HNRNPAB: variants seen among roughly 807,000 people sequenced by gnomAD.
HNRNPAB encodes heterogeneous nuclear ribonucleoprotein A/B, also known as ABBP-1.
HNRNPAB carries 17 observed loss-of-function variants against 44.1 expected under a neutral mutation model. The observed-to-expected ratio is 0.39, with a 90% CI of 0.26 to 0.58. HNRNPAB has a LOEUF of 0.58. HNRNPAB is among the 20% of genes least tolerant of loss of function. The pLI is 0.63. For missense variants in HNRNPAB, 393 were observed against 432.7 expected (o/e 0.91, Z 0.81); for synonymous variants, 183 against 167.6 (o/e 1.09, Z -0.71).
Position 178,204,964 on chromosome 5 carries a change from G to C in HNRNPAB, c.127G>C (p.Ala43Pro), listed in dbSNP as rs1756982751. Residue 43 changes from alanine (A) to proline (P), a missense_variant, in exon 2 of 8, where the codon GCG (alanine) becomes CCG (proline). Coordinates refer to ENST00000358344, the MANE Select transcript of HNRNPAB (RefSeq NM_031266.3). ...GGGCGCCGCGGCGGGGGCTGGAGGC[G>C]CGACCGCGGCGCCCCCGAGCGGGAA... is the stretch of plus-strand genomic sequence containing the variant. ...GTGAAAGAGGATAAPPSGNQN... is the reference protein window; with the variant it reads ...GTGAAAGAGGPTAAPPSGNQN... 3.3e-6 allele frequency: 4 copies of C among 1,209,754 alleles called. No homozygotes were observed. Among genetic ancestry groups the C allele is most frequent in the Non-Finnish European group, 4.1e-6 (4 of 973,868 alleles). 74.9% of individuals were successfully genotyped at this position (1,209,754 alleles called of 1,614,324 possible).
chr5:178,210,575 C>T lies in HNRNPAB; in HGVS notation c.951C>T (p.Gly317=). Residue 317 remains glycine (G), a synonymous_variant, in exon 8 of 8, where the codon GGC becomes GGT. Transcript: ENST00000358344. Reference sequence around the variant, plus strand: ...TAGGTCAGGGTAGTACAAACTACGGCAAGAGCCAGCGACGTGGTGGCCATC... The same window carrying T: ...TAGGTCAGGGTAGTACAAACTACGGTAAGAGCCAGCGACGTGGTGGCCATC... ...YDYSQGSTNY[G]KSQRRGGHQN... is the part of the protein sequence containing the mutation. 1 of 1,614,116 alleles carries T rather than the reference C, an allele frequency of 6.2e-7. No homozygotes were observed. Among genetic ancestry groups the T allele is most frequent in the Middle Eastern group, 1.7e-4 (1 of 6,050 alleles).
Position 178,210,887 on chromosome 5 carries a change from T to G in HNRNPAB, c.*264T>G. ...GGTCCCCCAGAAGCAGGTGGGAGGC[T>G]CTGCTTCCTGCTGCCGCTCTGCAGC... is the stretch of plus-strand genomic sequence containing the variant. On this transcript the variant is annotated 3_prime_UTR_variant, in exon 8 of 8. Coordinates refer to ENST00000358344, the MANE Select transcript of HNRNPAB (RefSeq NM_031266.3). The G allele has an allele frequency of 1.9e-6, 1 of 519,790 alleles. No individual in the cohort carries two copies. The allele number at this position is 519,790 out of a possible 1,614,324, so 32.2% of individuals were successfully genotyped here.
In HNRNPAB at chr5:178,209,238, C is replaced by G. The variant is rs985202246; in HGVS notation, c.670-92C>G. On this transcript the variant is annotated intron_variant, in intron 5 of 7. Coordinates refer to ENST00000358344, the MANE Select transcript of HNRNPAB (RefSeq NM_031266.3). ...TGTTTCTCAGCAAATGGACCTGATC[C>G]ACCATTTGATGTTTGTCGCAGTGAA... 7.1e-6 allele frequency: 7 copies of G among 991,180 alleles called. No homozygotes were observed. In the African/African-American group the frequency reaches 9.5e-5, roughly 14 times the overall value. The allele number at this position is 991,180 out of a possible 1,614,324, so 61.4% of individuals were successfully genotyped here.
chr5:178,207,636 C>G (rs577792468), intron 5 of HNRNPAB, among the ~76,000 whole-genome samples: 101 of 149,990 alleles, frequency 6.7e-4, no homozygotes, highest in Non-Finnish European at 1.0e-3. Context: ...TATTCCAGAG[C>G]CTTTCTACCT....
intron 4 of HNRNPAB, 55 bp downstream of exon 4, chr5:178,206,945 T>A (rs1256375016): frequency 6.2e-7 from 1 of 1,604,076 alleles, no homozygotes; most frequent in Non-Finnish European, 8.5e-7. Context: ...GCCTTCTTTC[T>A]GGTCCTTGGT....
At chr5:178,207,891 C>A (rs1757157214) in intron 5 of HNRNPAB, among the ~76,000 whole-genome samples, 1 of 151,966 alleles carries the variant, frequency 6.6e-6, no homozygotes, top group Non-Finnish European at 1.5e-5. Context: ...AAAGCCTGGT[C>A]TCACCATGTT....
intron 5 of HNRNPAB, 97 bp downstream of exon 5, chr5:178,207,322 A>C: frequency 6.9e-7 from 1 of 1,455,050 alleles, no homozygotes; most frequent in East Asian, 2.3e-5. Context: ...GGAGCTCTCC[A>C]GGTTGGTCAG....
chr5:178,209,244 TTGA>T, intron 5 of HNRNPAB, 83 bp from the exon 6 acceptor site: 10 of 1,030,428 alleles, frequency 9.7e-6, no homozygotes, highest in Non-Finnish European at 1.5e-5. Context: ...GATCCACCAT[TTGA>T]TGTTTGTCGC....
Position 178,210,971 on chromosome 5 carries a change from C to T in HNRNPAB, c.*348C>T, listed in dbSNP as rs1022647485. On this transcript the variant is annotated 3_prime_UTR_variant, in exon 8 of 8. Transcript: ENST00000358344. ...TTGTATCTTAGGAAACCAGTGTCAC[C>T]TTTTTTTCACCTTTTAATTTTATAT... The T allele has an allele frequency of 1.1e-5, 3 of 272,290 alleles. No homozygotes were observed. Among genetic ancestry groups the T allele is most frequent in the East Asian group, 8.0e-5 (1 of 12,500 alleles). 16.9% of individuals were successfully genotyped at this position (272,290 alleles called of 1,614,324 possible).
At chr5:178,207,277 C>G (rs1367732087) in intron 5 of HNRNPAB, 52 bp downstream of exon 5, 15 of 1,606,106 alleles carry the variant, frequency 9.3e-6, no homozygotes, top group Non-Finnish European at 1.0e-5. Context: ...AGAGCTGGCC[C>G]TTAGAGGGAT....
Position 178,204,591 on chromosome 5 carries a change from G to C in HNRNPAB, c.-173G>C, listed in dbSNP as rs901913687. The C allele has an allele frequency of 8.0e-6, 2 of 250,980 alleles. No individual in the cohort carries two copies. Among genetic ancestry groups the C allele is most frequent in the African/African-American group, 4.6e-5 (2 of 43,908 alleles). 15.5% of individuals were successfully genotyped at this position (250,980 alleles called of 1,614,324 possible). A position where few individuals can be genotyped will look rare whatever the true frequency, so the allele number is the denominator to read the frequency against. On this transcript the variant is annotated 5_prime_UTR_variant, in exon 1 of 8. Coordinates refer to ENST00000358344, the MANE Select transcript of HNRNPAB (RefSeq NM_031266.3). ...GTTGGTCGGTGGGTTCCCGTGCGGC[G>C]GCGGCCAAGGAGGAGGAGACACAGT...
At position 178,210,127 on chromosome 5, in the gene HNRNPAB, C is replaced by A. The variant is rs367725199; in HGVS notation, c.788-5C>A. 3.0e-5 allele frequency: 49 copies of A among 1,613,966 alleles called. No individual in the cohort carries two copies. Among genetic ancestry groups the A allele is most frequent in the South Asian group, 5.5e-5 (5 of 91,088 alleles). On this transcript the variant is annotated splice_polypyrimidine_tract_variant and splice_region_variant and intron_variant, in intron 6 of 7. Transcript: ENST00000358344. ...ACGGGCCCCTGTGCCCTGCTCCCCC[C>A]ACAGGTCAGAGTCAGAGTTGGAATC...
rs1386165246 is a variant in HNRNPAB, at chr5:178,210,664, G to T, written c.*41G>T. The T allele has an allele frequency of 5.4e-6, 8 of 1,485,646 alleles. No homozygotes were observed. Among genetic ancestry groups the T allele is most frequent in the African/African-American group, 1.4e-5 (1 of 72,324 alleles). The allele number at this position is 1,485,646 out of a possible 1,614,324, so 92.0% of individuals were successfully genotyped here. A position where few individuals can be genotyped will look rare whatever the true frequency, so the allele number is the denominator to read the frequency against. ...GACCAACTGATCGCACACATGCTTT[G>T]TTTGGATATGGAGTGAACACAATTA... On this transcript the variant is annotated 3_prime_UTR_variant, in exon 8 of 8. Transcript: ENST00000358344.
Position 178,204,926 on chromosome 5 carries a change from C to G in HNRNPAB, c.89C>G (p.Ala30Gly). 8.3e-7 allele frequency: 1 copy of G among 1,210,616 alleles called. No individual in the cohort carries two copies. Among genetic ancestry groups the G allele is most frequent in the South Asian group, 4.1e-5 (1 of 24,200 alleles). 75.0% of individuals were successfully genotyped at this position (1,210,616 alleles called of 1,614,324 possible). A position where few individuals can be genotyped will look rare whatever the true frequency, so the allele number is the denominator to read the frequency against. Residue 30 changes from alanine to glycine, a missense_variant, in exon 2 of 8, where the codon GCC becomes GGC. By Grantham distance (60) the Ala-to-Gly change is moderately conservative. Transcript: ENST00000358344. ...HEAVPEGESP[A>G]GAGTGAAAGA... The stretch of plus-strand genomic sequence containing the variant: ...GCCGTCCCCGAAGGCGAGTCGCCGG[C>G]CGGGGCTGGCACGGGCGCCGCGGCG...
chr5:178,209,252 T>G, intron 5 of HNRNPAB, 78 bp from the exon 6 acceptor site: 1 of 1,086,870 alleles, frequency 9.2e-7, no homozygotes, highest in Non-Finnish European at 1.4e-6. Flanking sequence ...ATTTGATGTT[T>G]GTCGCAGTGA....
In HNRNPAB at chr5:178,206,856, A is replaced by G; in HGVS notation, c.503A>G (p.Glu168Gly). 6.2e-7 allele frequency: 1 copy of G among 1,614,206 alleles called. No homozygotes were observed. Among genetic ancestry groups the G allele is most frequent in the South Asian group, 1.1e-5 (1 of 91,080 alleles). ...GGTCTGAATCCTGAAGCCACTGAGG[A>G]AAAGATCAGGGAGTACTTTGGCGAG... Reference protein sequence around the residue: ...VGGLNPEATEEKIREYFGEFG... With the variant: ...VGGLNPEATEGKIREYFGEFG... Residue 168 changes from glutamate to glycine, a missense_variant, in exon 4 of 8, where the codon GAA becomes GGA. Physicochemically the swap from Glu to Gly is moderately conservative, Grantham distance 98 (BLOSUM62 -2). Transcript: ENST00000358344.
Position 178,210,780 on chromosome 5 carries a change from C to CTA in HNRNPAB, c.*159_*160dup, listed in dbSNP as rs1554104295. ...CCCATGGAAATCACTCTCCTGTTGACTATTTCCAGAGCTCTAGGTGTTTAG... is the reference window on the plus strand; with the variant it reads ...CCCATGGAAATCACTCTCCTGTTGACTATATTTCCAGAGCTCTAGGTGTTTAG... On this transcript the variant is annotated 3_prime_UTR_variant, in exon 8 of 8. Coordinates refer to ENST00000358344, the MANE Select transcript of HNRNPAB (RefSeq NM_031266.3). 1.5e-6 allele frequency: 1 copy of CTA among 661,436 alleles called. No individual in the cohort carries two copies. The highest frequency in any genetic ancestry group is 1.8e-5 in the African/African-American group (1 of 56,192). The allele number at this position is 661,436 out of a possible 1,614,324, so 41.0% of individuals were successfully genotyped here. A position where few individuals can be genotyped will look rare whatever the true frequency, so the allele number is the denominator to read the frequency against.
chr5:178,207,824 T>C (rs1317605431), intron 5 of HNRNPAB, among the ~76,000 whole-genome samples: 1 of 149,994 alleles, frequency 6.7e-6, no homozygotes, highest in Non-Finnish European at 1.5e-5. Flanking sequence ...CATCTCAGCC[T>C]CTCGAGTAGC....
rs1451762728 is a variant in HNRNPAB, at chr5:178,206,264, G to A, written c.378+254G>A. On this transcript the variant is annotated intron_variant, in intron 3 of 7. Coordinates refer to ENST00000358344, the MANE Select transcript of HNRNPAB (RefSeq NM_031266.3). ...ATTACCTTTTATGTGCCTATTCTGG[G>A]TACGGCGCTAAACATCTGGGAGGAT... Among the ~76,000 whole-genome samples the A allele has an allele frequency of 3.3e-5, 5 of 152,206 alleles. No homozygotes were observed. The East Asian group carries it at 5.8e-4, about 18-fold the overall frequency.
Sources: allele counts gnomAD v4.1 joint callset (sites outside exome capture counted in the v4.1 genomes callset), GRCh38; gene constraint gnomAD v4.1.1; transcripts MANE v1.5; gene names NCBI Gene and HGNC (gene_info 2026-07-23, HGNC 2026-07-21).